Variants in DNAH6 observed in about 807,000 individuals in gnomAD.
DNAH6 encodes the protein dynein axonemal heavy chain 6, also known as axonemal beta dynein heavy chain 6.
DNAH6 carries 340 observed loss-of-function variants against 491.4 expected under a neutral mutation model. The observed-to-expected ratio is 0.69, with a 90% CI of 0.63 to 0.76. The LOEUF is 0.76. Among genes scored for constraint, DNAH6 ranks in the 30% least tolerant of loss-of-function variants. DNAH6 has a pLI of 0.00. For synonymous variants in DNAH6, 1,603 were observed against 1,686.1 expected, an observed-to-expected ratio of 0.95 and a Z score of 1.21; for missense variants, 4,443 against 4,972.2, an observed-to-expected ratio of 0.89 and a Z score of 3.20.
At chr2:84,618,362 A>G (rs1049457304) in intron 23 of DNAH6, among the ~76,000 whole-genome samples, 22 of 152,164 alleles carry the variant, frequency 1.4e-4, no homozygotes, top group Non-Finnish European at 2.4e-4. Flanking sequence ...AAGTTGGGGA[A>G]TAATGGCTTT....
intron 8 of DNAH6, among the ~76,000 whole-genome samples, chr2:84,548,787 C>T (rs1679047008): frequency 6.6e-6 from 1 of 152,204 alleles, no homozygotes; most frequent in Non-Finnish European, 1.5e-5. Context: ...AGAGACAGAG[C>T]ATGAGGCCAA....
the DNAH6 span, among the ~76,000 whole-genome samples, chr2:84,482,490 A>C: frequency 6.6e-6 from 1 of 152,238 alleles, no homozygotes; most frequent in South Asian, 2.1e-4. Context: ...TCATTTTAAA[A>C]AGATAGACCA....
At chr2:84,740,566 G>T (rs1436239036) in intron 62 of DNAH6, among the ~76,000 whole-genome samples, 1 of 152,164 alleles carries the variant, frequency 6.6e-6, no homozygotes. Context: ...TTTTATCCAA[G>T]GGGGTCTTTG....
the DNAH6 span, among the ~76,000 whole-genome samples, chr2:84,468,778 A>T: frequency 6.6e-6 from 1 of 152,172 alleles, no homozygotes; most frequent in Non-Finnish European, 1.5e-5. Flanking sequence ...GAGTTTTCAA[A>T]GACTTTTAAC....
intron 61 of DNAH6, 142 bp downstream of exon 61, chr2:84,728,044 C>T (rs948983901): frequency 1.6e-6 from 1 of 625,596 alleles, no homozygotes; most frequent in African/African-American, 1.8e-5. Context: ...GGGGCAGTTT[C>T]CCCCATACTG....
In DNAH6 at chr2:84,808,398, C is replaced by G. The variant is rs561809098; in HGVS notation, c.11612-17C>G. 2.0e-6 allele frequency: 3 copies of G among 1,506,948 alleles called. No homozygotes were observed. Among genetic ancestry groups the G allele is most frequent in the African/African-American group, 1.4e-5 (1 of 71,162 alleles). 93.3% of individuals were successfully genotyped at this position (1,506,948 alleles called of 1,614,324 possible). ...ATCAATGGTGACTGGCCTGAGGAATCGCTGTGTATGTTTCAGAAAAACTGG... is the reference window on the plus strand; with the variant it reads ...ATCAATGGTGACTGGCCTGAGGAATGGCTGTGTATGTTTCAGAAAAACTGG... On this transcript the variant is annotated splice_polypyrimidine_tract_variant and intron_variant, in intron 71 of 76. Transcript: ENST00000389394.
At chr2:84,524,349 G>A (rs1482755594) in intron 2 of DNAH6, among the ~76,000 whole-genome samples, 5 of 151,802 alleles carry the variant, frequency 3.3e-5, no homozygotes, top group Non-Finnish European at 7.4e-5. Context: ...GTTACTGCAT[G>A]TGAGATGGGT....
intron 10 of DNAH6, among the ~76,000 whole-genome samples, chr2:84,555,580 T>C (rs1489944053): frequency 6.6e-6 from 1 of 152,210 alleles, no homozygotes; most frequent in Non-Finnish European, 1.5e-5. Context: ...TCTACCTATC[T>C]ATATCTCTAC....
In DNAH6 at chr2:84,784,753, T is replaced by C. The variant is rs1401545285; in HGVS notation, c.10896T>C (p.Phe3632=). The change falls in exon 66 of 77, where the codon TTT becomes TTC. Residue 3632 remains phenylalanine, a synonymous_variant. Coordinates refer to ENST00000389394, the MANE Select transcript of DNAH6 (RefSeq NM_001370.2). ...DSAIKDTFRL[F]LSSMPSNTFP... is the part of the protein sequence containing the mutation. The stretch of plus-strand genomic sequence containing the variant: ...CTATCAAGGACACTTTTCGACTTTT[T>C]TTAAGCTCCATGCCTAGTAATACAT... 1.9e-6 allele frequency: 3 copies of C among 1,550,906 alleles called. No homozygotes were observed. Among genetic ancestry groups the C allele is most frequent in the Middle Eastern group, 1.7e-4 (1 of 6,004 alleles).
chr2:84,598,751 G>C (rs1684925341), intron 18 of DNAH6, among the ~76,000 whole-genome samples: 2 of 152,072 alleles, frequency 1.3e-5, no homozygotes, highest in Admixed American at 1.3e-4. Flanking sequence ...GTCATAATTG[G>C]CCGGGCACGG....
intron 11 of DNAH6, among the ~76,000 whole-genome samples, chr2:84,560,653 C>A (rs1680573795): frequency 6.6e-6 from 1 of 151,816 alleles, no homozygotes; most frequent in African/African-American, 2.4e-5. Flanking sequence ...TGTTCCCCTT[C>A]CTGTGTCCAT....
Position 84,658,364 on chromosome 2 carries a change from A to C in DNAH6, c.5830A>C (p.Asn1944His), listed in dbSNP as rs770470520. The C allele has an allele frequency of 6.5e-7, 1 of 1,548,934 alleles. No homozygotes were observed. The highest frequency in any genetic ancestry group is 1.2e-5 in the South Asian group (1 of 83,600). ...RYVDEGLHFI[N>H]KKCSQAIPQV... The stretch of plus-strand genomic sequence containing the variant: ...TGTTGATGAAGGTTTACATTTTATC[A>C]ATAAAAAGTGCAGCCAAGCAATTCC... The change falls in exon 36 of 77, where the codon AAT becomes CAT. Residue 1944 changes from asparagine (N) to histidine (H), a missense_variant. Transcript: ENST00000389394.
chr2:84,683,791 G>A (rs1694038713), intron 42 of DNAH6, among the ~76,000 whole-genome samples: 1 of 152,062 alleles, frequency 6.6e-6, no homozygotes, highest in Non-Finnish European at 1.5e-5. Context: ...CTGCAAAGTA[G>A]CCAAAGTAGA....
chr2:84,685,469 G>T lies in DNAH6; in HGVS notation c.7060G>T (p.Ala2354Ser). The T allele has an allele frequency of 6.8e-7, 1 of 1,471,980 alleles. No individual in the cohort carries two copies. Among genetic ancestry groups the T allele is most frequent in the Non-Finnish European group, 9.1e-7 (1 of 1,104,308 alleles). 91.2% of individuals were successfully genotyped at this position (1,471,980 alleles called of 1,614,324 possible). A position where few individuals can be genotyped will look rare whatever the true frequency, so the allele number is the denominator to read the frequency against. ...HYFHVILTEM[A>S]NKHFGIAIDL... ...TTTCCATGTTATTCTGACAGAAATGGCCAGTAAATATGAATCTTTACCTAT... is the reference window on the plus strand; with the variant it reads ...TTTCCATGTTATTCTGACAGAAATGTCCAGTAAATATGAATCTTTACCTAT... The change falls in exon 43 of 77, where the codon GCC (alanine) becomes TCC (serine). Residue 2354 changes from alanine to serine, a missense_variant. This residue lies in a region of DNAH6 where 2,977 missense variants were observed against 3,296.6 expected (regional missense o/e 0.90). Coordinates refer to ENST00000389394, the MANE Select transcript of DNAH6 (RefSeq NM_001370.2).
At chr2:84,561,143 G>A (rs1680628159) in intron 11 of DNAH6, among the ~76,000 whole-genome samples, 1 of 152,072 alleles carries the variant, frequency 6.6e-6, no homozygotes, top group African/African-American at 2.4e-5. Context: ...CTTTTTTAAT[G>A]ATTGCCATTC....
In DNAH6 at chr2:84,784,825, T is replaced by C; in HGVS notation, c.10953+15T>C. 4 of 1,493,542 alleles carry C rather than the reference T, an allele frequency of 2.7e-6. No individual in the cohort carries two copies. The highest frequency in any genetic ancestry group is 3.7e-6 in the Non-Finnish European group (4 of 1,094,934). 92.5% of individuals were successfully genotyped at this position (1,493,542 alleles called of 1,614,324 possible). A position where few individuals can be genotyped will look rare whatever the true frequency, so the allele number is the denominator to read the frequency against. On this transcript the variant is annotated intron_variant, in intron 66 of 76. Transcript: ENST00000389394. ...ATTCTGTCAAGGTAATGTATGCATA[T>C]GGTTGGAACAATGTGAAATGGTTGG...
chr2:84,475,269 A>G, the DNAH6 span, among the ~76,000 whole-genome samples: 1 of 152,168 alleles, frequency 6.6e-6, no homozygotes, highest in Non-Finnish European at 1.5e-5. Context: ...CTGCCTGCTG[A>G]GGCAGGGGAC....
At chr2:84,753,482 C>G (rs1332510755) in intron 63 of DNAH6, among the ~76,000 whole-genome samples, 1 of 151,806 alleles carries the variant, frequency 6.6e-6, no homozygotes, top group Non-Finnish European at 1.5e-5. Flanking sequence ...ATATTTACAC[C>G]TATGTTTTCT....
At chr2:84,621,583 C>G (rs1687398758) in intron 26 of DNAH6, 32 bp downstream of exon 26, 11 of 1,365,994 alleles carry the variant, frequency 8.1e-6, no homozygotes, top group Non-Finnish European at 1.1e-5. Flanking sequence ...CATTGTTGTC[C>G]TGCAAGATGG....
Sources: gnomAD v4.1 joint callset for allele counts (sites outside exome capture counted in the v4.1 genomes callset) on GRCh38, gnomAD v4.1.1 for gene constraint, gnomAD v4.1.1 regional missense constraint, MANE v1.5 for transcripts, NCBI Gene and HGNC (gene_info 2026-07-23, HGNC 2026-07-21) for gene names.